Variants in SYNE2 observed in about 807,000 individuals in gnomAD.
The protein encoded by SYNE2 is nesprin-2.
SYNE2 carries 431 observed loss-of-function variants against 856.3 expected under a neutral mutation model. The observed-to-expected ratio is 0.50, with a 90% CI of 0.47 to 0.55. The LOEUF is 0.55. Among genes scored for constraint, SYNE2 ranks in the 20% least tolerant of loss-of-function variants. The pLI is 0.00. For missense variants in SYNE2, 8,129 were observed against 8,023.2 expected, an observed-to-expected ratio of 1.01 and a Z score of -0.50; for synonymous variants, 2,923 against 2,872.3, an observed-to-expected ratio of 1.02 and a Z score of -0.56.
At chr14:63,761,941 G>C in exon 1 of SYNE2, 2 of 296,660 alleles carry the variant, frequency 6.7e-6, no homozygotes, top group South Asian at 3.0e-5. Context: ...CGCGGGGAGC[G>C]GCACGGGGTG....
chr14:64,001,183 C>G, intron 28 of SYNE2, among the ~76,000 whole-genome samples: 1 of 152,114 alleles, frequency 6.6e-6, no homozygotes, highest in East Asian at 1.9e-4. Context: ...TCACACATTT[C>G]AATTTATTAT....
rs758171585 is a variant in SYNE2, at chr14:64,146,107, A to G, written c.15523A>G (p.Ser5175Gly). Residue 5175 changes from serine (S) to glycine (G), a missense_variant, in exon 84 of 116, where the codon AGT becomes GGT. Physicochemically the swap from Ser to Gly is moderately conservative, Grantham distance 56 (BLOSUM62 0). Coordinates refer to ENST00000555002, the MANE Select transcript of SYNE2 (RefSeq NM_182914.3). ...ACAACTTCTAGAAAGTATCACTGAG[A>G]GTGAAAATAAAATACAGATCTTGAA... ...LEQLLESITE[S>G]ENKIQILNNW... 6.3e-7 allele frequency: 1 copy of G among 1,598,902 alleles called. No homozygotes were observed. Among genetic ancestry groups the G allele is most frequent in the African/African-American group, 1.3e-5 (1 of 74,302 alleles).
At chr14:63,767,950 T>A (rs1235931613) in intron 1 of SYNE2, among the ~76,000 whole-genome samples, 1 of 152,056 alleles carries the variant, frequency 6.6e-6, no homozygotes, top group Non-Finnish European at 1.5e-5. Context: ...TCCCAGCACT[T>A]TGGGAAGTCA....
chr14:64,136,390 A>ATT (rs199940876), intron 78 of SYNE2, among the ~76,000 whole-genome samples: 1 of 146,648 alleles, frequency 6.8e-6, no homozygotes, highest in Admixed American at 6.9e-5. Context: ...AATTAGACTG[A>ATT]TTTTTTTTTC....
rs1165428827 is a variant in SYNE2 at position 64,053,651 on chromosome 14, G to A, written c.9738G>A (p.Leu3246=). 3 of 1,612,748 alleles carry A rather than the reference G, an allele frequency of 1.9e-6. No homozygotes were observed. Among genetic ancestry groups the A allele is most frequent in the Middle Eastern group, 1.6e-4 (1 of 6,066 alleles). The change falls in exon 48 of 116, where the codon TTG becomes TTA. Residue 3246 remains leucine (L), a synonymous_variant. Coordinates refer to ENST00000555002, the MANE Select transcript of SYNE2 (RefSeq NM_182914.3). The stretch of plus-strand genomic sequence containing the variant: ...TGCAGCTTAACACAAGCATTGATTT[G>A]CGCACAGTAAGTTTTAAAAATTATG... The part of the protein sequence containing the change: ...LQMQLNTSID[L]RTNVLNDAYE...
At chr14:64,171,515 G>A (rs1405395787) in intron 94 of SYNE2, among the ~76,000 whole-genome samples, 1 of 152,196 alleles carries the variant, frequency 6.6e-6, no homozygotes, top group Non-Finnish European at 1.5e-5. Flanking sequence ...GGCTCCTTTA[G>A]ATTGGGTTGT....
chr14:64,202,760 T>C, intron 99 of SYNE2, 41 bp from the exon 100 acceptor site: 1 of 1,605,674 alleles, frequency 6.2e-7, no homozygotes, highest in South Asian at 1.1e-5. Flanking sequence ...CCATCACTGG[T>C]TTTTTTTTGT....
At chr14:64,042,903 G>A (rs2097159439) in intron 45 of SYNE2, among the ~76,000 whole-genome samples, 1 of 152,202 alleles carries the variant, frequency 6.6e-6, no homozygotes, top group Admixed American at 6.5e-5. Context: ...CTGGGTAACA[G>A]GTAGAGGTTG....
Position 64,225,409 on chromosome 14 carries a change from G to C in SYNE2, c.20607G>C (p.Leu6869=), listed in dbSNP as rs2098714833. Residue 6869 remains leucine, a synonymous_variant, in exon 116 of 116, where the codon CTG becomes CTC. Transcript: ENST00000555002. The part of the protein sequence containing the change: ...LPLQLLLLLL[L]LLACLLPSSE... ...TGCAGCTGCTCCTCCTGCTGCTGCTGCTCCTGGCCTGCCTGCTGCCCTCCT... is the reference window on the plus strand; with the variant it reads ...TGCAGCTGCTCCTCCTGCTGCTGCTCCTCCTGGCCTGCCTGCTGCCCTCCT... 6.2e-7 allele frequency: 1 copy of C among 1,614,016 alleles called. No homozygotes were observed. Among genetic ancestry groups the C allele is most frequent in the Non-Finnish European group, 8.5e-7 (1 of 1,179,928 alleles).
rs2098502974 is a variant in SYNE2 at position 64,188,570 on chromosome 14, G to A, written c.17733G>A (p.Glu5911=). 6.2e-7 allele frequency: 1 copy of A among 1,614,158 alleles called. No individual in the cohort carries two copies. ...LCLRVAIRKQ[E]IEDRLNTWVV... ...TGCAGGTGGCCATACGTAAACAGGA[G>A]ATTGAAGACAGACTCAATACATGGG... The change falls in exon 98 of 116, where the codon GAG becomes GAA. Residue 5911 remains glutamate (E), a synonymous_variant. Transcript: ENST00000555002.
At chr14:64,059,941 A>G (rs2097302980) in intron 49 of SYNE2, among the ~76,000 whole-genome samples, 1 of 152,136 alleles carries the variant, frequency 6.6e-6, no homozygotes, top group Non-Finnish European at 1.5e-5. Context: ...CCACCACTAC[A>G]GGCCCACAGA....
At chr14:64,016,958 A>G (rs1270862358) in intron 33 of SYNE2, among the ~76,000 whole-genome samples, 1 of 152,190 alleles carries the variant, frequency 6.6e-6, no homozygotes, top group African/African-American at 2.4e-5. Context: ...TTAATTAGAA[A>G]CTAAGAACTC....
chr14:64,165,379 A>G lies in SYNE2; in HGVS notation c.16574A>G (p.Gln5525Arg), dbSNP rs1246269027. 6.2e-7 allele frequency: 1 copy of G among 1,613,908 alleles called. No individual in the cohort carries two copies. Among genetic ancestry groups the G allele is most frequent in the African/African-American group, 1.3e-5 (1 of 74,910 alleles). The change falls in exon 90 of 116, where the codon CAA becomes CGA. Residue 5525 changes from glutamine (Q) to arginine (R), a missense_variant. Physicochemically the swap from Gln to Arg is conservative, Grantham distance 43 (BLOSUM62 1). This residue lies in a region of SYNE2 where 5,410 missense variants were observed against 5,284.8 expected (regional missense o/e 1.02). Coordinates refer to ENST00000555002, the MANE Select transcript of SYNE2 (RefSeq NM_182914.3). ...GAAGAGAATTTGGATAGACTTCACC[A>G]ACAGGAAAAAGAAAATCCTGACTCA... Reference protein sequence around the residue: ...HEEENLDRLHQQEKENPDSFL... With the variant: ...HEEENLDRLHRQEKENPDSFL...
chr14:63,885,360 TTGGTGTCCCTTGATG>T (rs1245660807), intron 1 of SYNE2, among the ~76,000 whole-genome samples: 1 of 152,150 alleles, frequency 6.6e-6, no homozygotes, highest in African/African-American at 2.4e-5. Flanking sequence ...GAGGCTCTAT[TTGGTGTCCCTTGATG>T]TGCTTAGGTC....
At chr14:64,120,417 T>C (rs2097889288) in intron 67 of SYNE2, among the ~76,000 whole-genome samples, 1 of 152,270 alleles carries the variant, frequency 6.6e-6, no homozygotes, top group African/African-American at 2.4e-5. Context: ...AGAAGTAAGA[T>C]GATCACTTCA....
intron 1 of SYNE2, among the ~76,000 whole-genome samples, chr14:63,897,608 CTGGGCCAACCT>C (rs2095273520): frequency 6.6e-6 from 1 of 152,206 alleles, no homozygotes; most frequent in African/African-American, 2.4e-5. Context: ...CTGAGCCCTC[CTGGGCCAACCT>C]TGGACCCAGC....
chr14:64,197,963 CTTTTG>C (rs2098547049), intron 99 of SYNE2, among the ~76,000 whole-genome samples: 1 of 152,156 alleles, frequency 6.6e-6, no homozygotes, highest in Non-Finnish European at 1.5e-5. Context: ...AGGCATAATT[CTTTTG>C]TTTGGTTTCA....
At position 64,168,964 on chromosome 14, in the gene SYNE2, G is replaced by A; in HGVS notation, c.16993G>A (p.Glu5665Lys). ...SLQLLDTTEI[E>K]NRPEFITEFS... ...ACAACTCCTGGACACAACAGAAATA[G>A]AGAACAGGTGAGCTGTCTGGGCCTC... Residue 5665 changes from glutamate (E) to lysine (K), a missense_variant, in exon 93 of 116, where the codon GAG becomes AAG. This residue lies in a region of SYNE2 where 5,410 missense variants were observed against 5,284.8 expected (regional missense o/e 1.02). Coordinates refer to ENST00000555002, the MANE Select transcript of SYNE2 (RefSeq NM_182914.3). 3 of 1,613,006 alleles carry A rather than the reference G, an allele frequency of 1.9e-6. No individual in the cohort carries two copies. In the South Asian group the frequency reaches 3.3e-5, roughly 18 times the overall value.
At chr14:64,141,292 T>C (rs1414201899) in intron 80 of SYNE2, 49 bp from the exon 81 acceptor site, 2 of 1,492,860 alleles carry the variant, frequency 1.3e-6, no homozygotes, top group Admixed American at 3.5e-5. Context: ...ACTCTTACTT[T>C]CTGCTATATT....
Sources: allele counts gnomAD v4.1 joint callset (sites outside exome capture counted in the v4.1 genomes callset), GRCh38; gene constraint gnomAD v4.1.1; regional missense constraint gnomAD v4.1.1; transcripts MANE v1.5; gene names NCBI Gene and HGNC (gene_info 2026-07-23, HGNC 2026-07-21).